PLEKHA2: variants seen among roughly 807,000 people sequenced by gnomAD.
PLEKHA2 encodes pleckstrin homology domain-containing family A member 2.
In PLEKHA2, 28 loss-of-function variants were observed where a neutral mutation model predicts 53.2. The ratio of observed to expected loss-of-function variants is 0.53; its 90% CI spans 0.39 to 0.72. The LOEUF (loss-of-function observed/expected upper bound fraction) is 0.72, where lower values mean the gene tolerates loss of function less well. Among genes scored for constraint, PLEKHA2 ranks in the 30% least tolerant of loss-of-function variants. The probability of loss-of-function intolerance (pLI) is 0.00; values close to 1 mark genes in which losing one functional copy is unlikely to be tolerated. For missense variants in PLEKHA2, 426 were observed against 537.9 expected (o/e 0.79, Z 2.06); for synonymous variants, 193 against 196.4 (o/e 0.98, Z 0.14).
At chr8:38,957,145 G>T (rs1422505534) in intron 9 of PLEKHA2, among the ~76,000 whole-genome samples, 178 bp from the exon 10 acceptor site, 1 of 152,136 alleles carries the variant, frequency 6.6e-6, no homozygotes, top group Non-Finnish European at 1.5e-5. Flanking sequence ...TCTAGGAAAT[G>T]AAGCTAGAGG....
At chr8:38,950,505 G>GTTT in intron 5 of PLEKHA2, 4 of 181,468 alleles carry the variant, frequency 2.2e-5, no homozygotes, top group Non-Finnish European at 3.4e-5. Context: ...TTTGTTTTAC[G>GTTT]TTTTTTTTTG....
Position 38,959,153 on chromosome 8 carries a change from G to C in PLEKHA2, c.837+1767G>C, listed in dbSNP as rs533382892. ...GGAATACAAAATAAAAAAAAAAATGGTGTGATAAGTGCTACTGCCATTAGA... is the reference window on the plus strand; with the variant it reads ...GGAATACAAAATAAAAAAAAAAATGCTGTGATAAGTGCTACTGCCATTAGA... On this transcript the variant is annotated intron_variant, in intron 10 of 11. Transcript: ENST00000617275. Among the ~76,000 whole-genome samples the C allele has an allele frequency of 4.6e-5, 7 of 152,220 alleles. No homozygotes were observed. The East Asian group carries it at 1.4e-3, about 29-fold the overall frequency.
chr8:38,952,461 C>G (rs1391415360), intron 7 of PLEKHA2, 149 bp downstream of exon 7: 6 of 1,350,516 alleles, frequency 4.4e-6, no homozygotes, highest in Non-Finnish European at 6.0e-6. Context: ...TTGGGACTGA[C>G]CTTTGGCTCC....
At chr8:38,924,169 G>A (rs1049886784) in intron 2 of PLEKHA2, among the ~76,000 whole-genome samples, 3 of 152,104 alleles carry the variant, frequency 2.0e-5, no homozygotes, top group Admixed American at 6.6e-5. Context: ...CTTACAAGAT[G>A]TCCTTTGATT....
intron 1 of PLEKHA2, among the ~76,000 whole-genome samples, chr8:38,915,556 T>A (rs1179843341): frequency 6.6e-6 from 1 of 152,232 alleles, no homozygotes; most frequent in Non-Finnish European, 1.5e-5. Flanking sequence ...CCCATGCCAA[T>A]GACATCATGC....
At chr8:38,948,244 C>T (rs1372385537) in intron 5 of PLEKHA2, among the ~76,000 whole-genome samples, 1 of 152,050 alleles carries the variant, frequency 6.6e-6, no homozygotes, top group Non-Finnish European at 1.5e-5. Context: ...TACATAATAA[C>T]AGAACTCACA....
At chr8:38,930,834 C>T (rs1388342484) in intron 2 of PLEKHA2, among the ~76,000 whole-genome samples, 4 of 152,184 alleles carry the variant, frequency 2.6e-5, no homozygotes, top group Admixed American at 6.5e-5. Context: ...AGGGCAGACT[C>T]AGCAGGACCA....
intron 9 of PLEKHA2, among the ~76,000 whole-genome samples, chr8:38,954,385 A>G (rs556847062): frequency 1.1e-4 from 17 of 152,310 alleles, no homozygotes; most frequent in African/African-American, 4.1e-4. Context: ...GGCAGAGGGA[A>G]GATTGGGCAT....
intron 11 of PLEKHA2, chr8:38,969,027 T>G: frequency 3.2e-6 from 1 of 313,724 alleles, no homozygotes; most frequent in Non-Finnish European, 5.9e-6. Context: ...GCCTCCCAAG[T>G]AGCTGGGATT....
At chr8:38,905,524 A>C (rs893319867) in intron 1 of PLEKHA2, among the ~76,000 whole-genome samples, 12 of 151,192 alleles carry the variant, frequency 7.9e-5, no homozygotes, top group Non-Finnish European at 1.5e-4. Context: ...TCCTTACCAC[A>C]CCCAGCCCCT....
chr8:38,949,958 A>G (rs1834795712), intron 5 of PLEKHA2, among the ~76,000 whole-genome samples: 1 of 152,232 alleles, frequency 6.6e-6, no homozygotes, highest in Non-Finnish European at 1.5e-5. Flanking sequence ...TTCTGTCTCT[A>G]CAAAGGCATG....
At chr8:38,932,529 C>T (rs1411294819) in intron 2 of PLEKHA2, among the ~76,000 whole-genome samples, 1 of 152,142 alleles carries the variant, frequency 6.6e-6, no homozygotes, top group African/African-American at 2.4e-5. Context: ...GATCCCTTGC[C>T]GCTACCTAGG....
Position 38,953,259 on chromosome 8 carries a change from A to G in PLEKHA2, c.703-38A>G, listed in dbSNP as rs377022181. ...TGGTCTGGGTCGTGATATGACACAG[A>G]CAGCCTCACTTACCTGTCTTTCTGT... On this transcript the variant is annotated intron_variant, in intron 8 of 11. Coordinates refer to ENST00000617275, the MANE Select transcript of PLEKHA2 (RefSeq NM_021623.2). 10 of 1,541,154 alleles carry G rather than the reference A, an allele frequency of 6.5e-6. No homozygotes were observed. The African/African-American group carries it at 1.2e-4, about 19-fold the overall frequency.
intron 9 of PLEKHA2, among the ~76,000 whole-genome samples, chr8:38,955,220 C>G (rs1029377439): frequency 3.3e-5 from 5 of 152,142 alleles, no homozygotes; most frequent in African/African-American, 1.2e-4. Flanking sequence ...TCCTGCCCTT[C>G]CCACCCTGAG....
At position 38,969,508 on chromosome 8, in the gene PLEKHA2, C is replaced by T. The variant is rs757129591; in HGVS notation, c.1003C>T (p.Arg335Trp). 6.6e-5 allele frequency: 106 copies of T among 1,613,518 alleles called. No homozygotes were observed. Among genetic ancestry groups the T allele is most frequent in the South Asian group, 2.3e-4 (21 of 91,020 alleles). Reference sequence around the variant, plus strand: ...GCCCAACTCTATCCTGTGCAGGGGGCGGCCACCTTTGGAGGAAAAGAAAGC... The same window carrying T: ...GCCCAACTCTATCCTGTGCAGGGGGTGGCCACCTTTGGAGGAAAAGAAAGC... ...SGPNSILCRG[R>W]PPLEEKKALC... The change falls in exon 12 of 12, where the codon CGG becomes TGG. Residue 335 changes from arginine (R) to tryptophan (W), a missense_variant. Transcript: ENST00000617275.
At chr8:38,926,751 G>A (rs1332978179) in intron 2 of PLEKHA2, among the ~76,000 whole-genome samples, 2 of 152,158 alleles carry the variant, frequency 1.3e-5, no homozygotes, top group Non-Finnish European at 2.9e-5. Context: ...CCAACATGGC[G>A]AAACCCTGTC....
chr8:38,959,407 T>A (rs1201400225), intron 10 of PLEKHA2, among the ~76,000 whole-genome samples: 2 of 152,234 alleles, frequency 1.3e-5, no homozygotes, highest in Non-Finnish European at 2.9e-5. Flanking sequence ...GCTCGTATTT[T>A]ATCCTTAGAA....
At chr8:38,946,055 T>C (rs577287352) in intron 4 of PLEKHA2, 69 bp from the exon 5 acceptor site, 3 of 1,265,308 alleles carry the variant, frequency 2.4e-6, no homozygotes, top group South Asian at 2.6e-5. Flanking sequence ...CTTAGCTTTG[T>C]GGAGACTTGT....
intron 2 of PLEKHA2, among the ~76,000 whole-genome samples, chr8:38,931,319 A>G (rs995602399): frequency 1.1e-4 from 16 of 152,168 alleles, no homozygotes; most frequent in African/African-American, 3.9e-4. Context: ...GGTGATTCAC[A>G]TAAGCAGCCT....
Sources: allele counts gnomAD v4.1 joint callset (sites outside exome capture counted in the v4.1 genomes callset), GRCh38; gene constraint gnomAD v4.1.1; transcripts MANE v1.5; gene names NCBI Gene and HGNC (gene_info 2026-07-23, HGNC 2026-07-21).